CNOT4: variants seen among roughly 807,000 people sequenced by gnomAD.
CNOT4 encodes the protein CCR4-NOT transcription complex subunit 4.
A neutral mutation model predicts 73.8 loss-of-function variants in CNOT4; 8 were observed. The ratio of observed to expected loss-of-function variants is 0.11; its 90% CI spans 0.06 to 0.20. The LOEUF (loss-of-function observed/expected upper bound fraction) is 0.20, where lower values mean the gene tolerates loss of function less well. CNOT4 is among the 10% of genes least tolerant of loss of function. CNOT4 has a pLI of 1.00. For synonymous variants in CNOT4, 293 were observed against 321.1 expected (o/e 0.91, Z 0.94); for missense variants, 564 against 883.4 (o/e 0.64, Z 4.58).
intron 3 of CNOT4, among the ~76,000 whole-genome samples, chr7:135,417,031 T>C (rs1237906465): frequency 6.6e-6 from 1 of 152,134 alleles, no homozygotes; most frequent in East Asian, 1.9e-4. Context: ...CTGAGAAAAA[T>C]CACATTATTG....
Position 135,398,424 on chromosome 7 carries a change from A to G in CNOT4, c.822-198T>C, listed in dbSNP as rs985277958. 5.3e-5 allele frequency among the ~76,000 whole-genome samples: 8 copies of G among 152,076 alleles called. No homozygotes were observed. The East Asian group carries it at 1.5e-3, about 29-fold the overall frequency. On this transcript the variant is annotated intron_variant, in intron 7 of 11. Transcript: ENST00000541284. ...TGAGCATCCCAAATCAGAAAATCCA[A>G]TATCTGAACTGCTTCAAAATTTGAA...
intron 10 of CNOT4, among the ~76,000 whole-genome samples, chr7:135,381,067 AT>A (rs746551285): frequency 2.1e-4 from 32 of 152,208 alleles, no homozygotes; most frequent in East Asian, 1.9e-4. Context: ...ACCTTATTGC[AT>A]TTAAATAGGG....
At chr7:135,486,832 C>T (rs1563078383) in intron 1 of CNOT4, among the ~76,000 whole-genome samples, 2 of 151,898 alleles carry the variant, frequency 1.3e-5, no homozygotes, top group African/African-American at 2.4e-5. Flanking sequence ...AAACAAAACA[C>T]TTTTTTTTAA....
chr7:135,449,810 G>T (rs1177985484), intron 1 of CNOT4, among the ~76,000 whole-genome samples: 1 of 146,976 alleles, frequency 6.8e-6, no homozygotes, highest in African/African-American at 2.5e-5. Flanking sequence ...AATTTAGTTA[G>T]GAATGAGAAT....
intron 1 of CNOT4, among the ~76,000 whole-genome samples, chr7:135,449,741 G>A (rs1428317421): frequency 6.6e-6 from 1 of 151,556 alleles, no homozygotes; most frequent in Non-Finnish European, 1.5e-5. Context: ...ACATTTCAAA[G>A]ACAACTGAAA....
chr7:135,367,752 TA>T (rs1794993566), intron 10 of CNOT4, among the ~76,000 whole-genome samples: 1 of 152,162 alleles, frequency 6.6e-6, no homozygotes, highest in Non-Finnish European at 1.5e-5. Flanking sequence ...TTCTTATCAC[TA>T]AAACATTACA....
In CNOT4 at chr7:135,362,799, T is replaced by C. The variant is rs549073860; in HGVS notation, c.*86A>G. ...ACTGGATTCTTCAGAACATAAGAGA[T>C]GAGAAGGGAGCTGTGGGTGGTGGGC... On this transcript the variant is annotated 3_prime_UTR_variant, in exon 12 of 12. Coordinates refer to ENST00000541284, the MANE Select transcript of CNOT4 (RefSeq NM_001190850.2). 12 of 1,223,628 alleles carry C rather than the reference T, an allele frequency of 9.8e-6. No homozygotes were observed. The South Asian group carries it at 1.3e-4, about 13-fold the overall frequency. The allele number at this position is 1,223,628 out of a possible 1,614,324, so 75.8% of individuals were successfully genotyped here.
intron 7 of CNOT4, among the ~76,000 whole-genome samples, chr7:135,405,353 G>A (rs887825930): frequency 6.6e-6 from 1 of 152,044 alleles, no homozygotes; most frequent in African/African-American, 2.4e-5. Context: ...CATTTACACC[G>A]AGTGATCTGC....
intron 3 of CNOT4, among the ~76,000 whole-genome samples, chr7:135,418,451 C>A (rs1797994804): frequency 1.3e-5 from 2 of 152,078 alleles, no homozygotes; most frequent in South Asian, 2.1e-4. Context: ...ATGTCTAGTA[C>A]CAAAATATCT....
At chr7:135,365,517 A>G (rs933139340) in intron 10 of CNOT4, among the ~76,000 whole-genome samples, 7 of 146,382 alleles carry the variant, frequency 4.8e-5, no homozygotes, top group African/African-American at 1.7e-4. Context: ...GATAATCTGC[A>G]TTTACTAGAT....
intron 10 of CNOT4, among the ~76,000 whole-genome samples, chr7:135,391,616 C>T (rs998873657): frequency 1.3e-5 from 2 of 151,988 alleles, no homozygotes; most frequent in African/African-American, 4.8e-5. Context: ...AAGATAGGAC[C>T]ATAATTTAAT....
At chr7:135,475,867 C>T (rs747434549) in intron 1 of CNOT4, among the ~76,000 whole-genome samples, 12 of 152,068 alleles carry the variant, frequency 7.9e-5, no homozygotes, top group South Asian at 2.1e-4. Context: ...GCTATGTTCA[C>T]GCCACTGCAC....
At chr7:135,426,108 G>A (rs148796466) in intron 2 of CNOT4, among the ~76,000 whole-genome samples, 133 of 152,176 alleles carry the variant, frequency 8.7e-4, no homozygotes, top group African/African-American at 3.1e-3. Context: ...CAGCTACTTG[G>A]GAGGCTGAGG....
intron 10 of CNOT4, among the ~76,000 whole-genome samples, chr7:135,377,583 G>A (rs1795591582): frequency 6.6e-6 from 1 of 152,088 alleles, no homozygotes; most frequent in Admixed American, 6.5e-5. Context: ...TGCAAATGGT[G>A]TCTCAATCTA....
chr7:135,390,199 T>C (rs1796327508), intron 10 of CNOT4, among the ~76,000 whole-genome samples: 1 of 152,146 alleles, frequency 6.6e-6, no homozygotes. Context: ...TTAAAGCACA[T>C]GCCAGTGATC....
At chr7:135,377,839 A>C (rs1176055671) in intron 10 of CNOT4, among the ~76,000 whole-genome samples, 2 of 152,178 alleles carry the variant, frequency 1.3e-5, no homozygotes, top group African/African-American at 2.4e-5. Flanking sequence ...GTCAATATTG[A>C]ATCTTATTTC....
chr7:135,473,070 C>T (rs575668817), intron 1 of CNOT4, among the ~76,000 whole-genome samples: 1 of 151,968 alleles, frequency 6.6e-6, no homozygotes, highest in Non-Finnish European at 1.5e-5. Flanking sequence ...TATAGTCTTA[C>T]TGACATTAAG....
At chr7:135,449,700 C>G (rs1563057350) in intron 1 of CNOT4, among the ~76,000 whole-genome samples, 2 of 151,914 alleles carry the variant, frequency 1.3e-5, no homozygotes, top group Non-Finnish European at 2.9e-5. Flanking sequence ...AAATAACAAC[C>G]CTGAAAAAAT....
chr7:135,436,804 G>A (rs1480305152), intron 2 of CNOT4, among the ~76,000 whole-genome samples: 1 of 151,710 alleles, frequency 6.6e-6, no homozygotes, highest in African/African-American at 2.4e-5. Context: ...ACAATGCATT[G>A]CCTTCTGAGA....
Sources: allele counts gnomAD v4.1 joint callset (sites outside exome capture counted in the v4.1 genomes callset), GRCh38; gene constraint gnomAD v4.1.1; transcripts MANE v1.5; gene names NCBI Gene and HGNC (gene_info 2026-07-23, HGNC 2026-07-21).